The following BABAM2 variants were observed in gnomAD, a reference collection of about 807,000 sequenced individuals.
BABAM2 encodes the protein BRISC and BRCA1 A complex member 2.
Under a neutral mutation model 54.7 loss-of-function variants are expected in BABAM2, and 31 were observed. That is an observed-to-expected ratio of 0.57 (90% CI 0.43 to 0.77). The LOEUF is 0.77. Ranked by LOEUF, BABAM2 falls within the 30% of genes least tolerant of loss-of-function variation. The pLI is 0.00. For missense variants in BABAM2, 364 were observed against 455.8 expected, an observed-to-expected ratio of 0.80 and a Z score of 1.83; for synonymous variants, 167 against 162.9, an observed-to-expected ratio of 1.03 and a Z score of -0.19.
chr2:28,121,981 G>C (rs373724778), intron 6 of BABAM2, among the ~76,000 whole-genome samples: 1 of 152,106 alleles, frequency 6.6e-6, no homozygotes, highest in African/African-American at 2.4e-5. Flanking sequence ...TTGGGAGGCC[G>C]AGGTGGGTGG....
chr2:28,151,251 C>T (rs1031740442), intron 7 of BABAM2, among the ~76,000 whole-genome samples: 3 of 152,188 alleles, frequency 2.0e-5, no homozygotes, highest in Admixed American at 1.3e-4. Context: ...AGACCAGCTC[C>T]TCTTGAGGCA....
intron 3 of BABAM2, among the ~76,000 whole-genome samples, chr2:27,974,043 T>C (rs1671411144): frequency 6.6e-6 from 1 of 152,136 alleles, no homozygotes; most frequent in Non-Finnish European, 1.5e-5. Context: ...ATAAATTGAA[T>C]TTATAGTTAA....
At position 28,204,366 on chromosome 2, in the gene BABAM2, G is replaced by T. The variant is rs538911108; in HGVS notation, c.681-32836G>T. Among the ~76,000 whole-genome samples, 8 of 152,286 alleles carry T rather than the reference G, an allele frequency of 5.3e-5. No individual in the cohort carries two copies. In the East Asian group the frequency reaches 9.7e-4, roughly 18 times the overall value. ...GTGATGTTTAGGCCAAGACCTCAGA[G>T]AATTCTAGAACCGTTCTGATCTCTG... On this transcript the variant is annotated intron_variant, in intron 7 of 11. Transcript: ENST00000379624.
At chr2:28,215,763 C>G (rs557539665) in intron 7 of BABAM2, among the ~76,000 whole-genome samples, 1 of 152,146 alleles carries the variant, frequency 6.6e-6, no homozygotes, top group Non-Finnish European at 1.5e-5. Context: ...GTTTCTGCCC[C>G]TCTGCTTCTT....
intron 11 of BABAM2, among the ~76,000 whole-genome samples, chr2:28,321,919 T>C (rs1276787963): frequency 6.6e-6 from 1 of 151,172 alleles, no homozygotes; most frequent in Non-Finnish European, 1.5e-5. Flanking sequence ...TAGCACCAAA[T>C]ATTTATTCTG....
intron 6 of BABAM2, among the ~76,000 whole-genome samples, chr2:28,109,203 T>C (rs1370810535): frequency 1.4e-4 from 21 of 147,766 alleles, no homozygotes; most frequent in Admixed American, 8.8e-4. Flanking sequence ...TTTTTTTTTT[T>C]TTTGAGACAG....
chr2:28,141,165 G>T (rs1671019152), intron 7 of BABAM2, among the ~76,000 whole-genome samples: 1 of 152,004 alleles, frequency 6.6e-6, no homozygotes, highest in Admixed American at 6.6e-5. Context: ...GATTTTGGGG[G>T]CATAAATATT....
intron 3 of BABAM2, among the ~76,000 whole-genome samples, chr2:27,982,839 A>ATG (rs1672113250): frequency 2.0e-5 from 2 of 101,982 alleles, no homozygotes; most frequent in Admixed American, 1.2e-4. Flanking sequence ...ATATTTCATT[A>ATG]TGTGTACACA....
At chr2:27,918,156 G>A (rs903375168) in intron 2 of BABAM2, among the ~76,000 whole-genome samples, 1 of 152,036 alleles carries the variant, frequency 6.6e-6, no homozygotes, top group African/African-American at 2.4e-5. Flanking sequence ...CAGTTCTGTG[G>A]CATTAAGTAT....
intron 6 of BABAM2, among the ~76,000 whole-genome samples, chr2:28,116,735 G>C (rs1668647393): frequency 6.6e-6 from 1 of 152,184 alleles, no homozygotes; most frequent in Non-Finnish European, 1.5e-5. Flanking sequence ...TAAGGCAAGT[G>C]AAACTAACTT....
At chr2:28,088,530 G>T (rs1336888643) in intron 6 of BABAM2, among the ~76,000 whole-genome samples, 1 of 152,192 alleles carries the variant, frequency 6.6e-6, no homozygotes, top group Non-Finnish European at 1.5e-5. Context: ...GTTCTCCCAG[G>T]TGAGGAGACT....
intron 3 of BABAM2, among the ~76,000 whole-genome samples, chr2:27,967,712 T>C (rs1330120667): frequency 3.3e-5 from 5 of 152,132 alleles, no homozygotes; most frequent in African/African-American, 4.8e-5. Flanking sequence ...ATGCTCATAA[T>C]GATATGGACA....
At chr2:28,155,131 G>C (rs1223341464) in intron 7 of BABAM2, among the ~76,000 whole-genome samples, 1 of 152,018 alleles carries the variant, frequency 6.6e-6, no homozygotes, top group South Asian at 2.1e-4. Flanking sequence ...CTCAGAAAAG[G>C]CAGGCTAAAT....
intron 10 of BABAM2, among the ~76,000 whole-genome samples, chr2:28,286,814 G>A (rs1369316436): frequency 2.6e-5 from 4 of 152,162 alleles, no homozygotes; most frequent in African/African-American, 7.2e-5. Flanking sequence ...GACACTGTGG[G>A]GAGGAGTTGG....
chr2:28,208,180 G>A (rs932088609), intron 7 of BABAM2, among the ~76,000 whole-genome samples: 10 of 152,136 alleles, frequency 6.6e-5, no homozygotes, highest in Admixed American at 3.3e-4. Context: ...TGCTTTCTAG[G>A]GTTAATGCAG....
At chr2:28,280,661 GCTGGTGCCTA>G (rs1686276835) in intron 10 of BABAM2, among the ~76,000 whole-genome samples, 1 of 152,162 alleles carries the variant, frequency 6.6e-6, no homozygotes, top group African/African-American at 2.4e-5. Context: ...CCTGATCCGT[GCTGGTGCCTA>G]CTCAGGCACT....
At chr2:27,984,704 T>G (rs1672270903) in intron 3 of BABAM2, among the ~76,000 whole-genome samples, 1 of 152,118 alleles carries the variant, frequency 6.6e-6, no homozygotes, top group African/African-American at 2.4e-5. Flanking sequence ...TTTTTATTTT[T>G]TATTCCAGTA....
intron 6 of BABAM2, among the ~76,000 whole-genome samples, chr2:28,120,174 A>T (rs933038175): frequency 6.6e-6 from 1 of 152,238 alleles, no homozygotes; most frequent in Non-Finnish European, 1.5e-5. Flanking sequence ...GTAGACATTA[A>T]AACACATAAA....
At chr2:27,990,208 A>G (rs933297617) in intron 4 of BABAM2, among the ~76,000 whole-genome samples, 2 of 152,198 alleles carry the variant, frequency 1.3e-5, no homozygotes, top group East Asian at 3.9e-4. Context: ...CAACCAGAGC[A>G]TACCCTCCAC....
Sources: gnomAD v4.1 joint callset for allele counts (sites outside exome capture counted in the v4.1 genomes callset) on GRCh38, gnomAD v4.1.1 for gene constraint, MANE v1.5 for transcripts, NCBI Gene and HGNC (gene_info 2026-07-23, HGNC 2026-07-21) for gene names.